ZNF366: variants seen among roughly 807,000 people sequenced by gnomAD.
The protein encoded by ZNF366 is dendritic cell-specific transcript protein.
In ZNF366, 20 loss-of-function variants were observed where a neutral mutation model predicts 47.2. That is an observed-to-expected ratio of 0.42 (90% confidence interval 0.30 to 0.62). ZNF366 has a LOEUF of 0.62. Ranked by LOEUF, ZNF366 falls within the 20% of genes least tolerant of loss-of-function variation. The probability of loss-of-function intolerance (pLI) is 0.16; values close to 1 mark genes in which losing one functional copy is unlikely to be tolerated. For missense variants in ZNF366, 987 were observed against 976.3 expected (o/e 1.01, Z -0.15); for synonymous variants, 421 against 395.1 (o/e 1.07, Z -0.78).
chr5:72,497,085 GCTTGT>G (rs1561205670), intron 1 of ZNF366, among the ~76,000 whole-genome samples: 1 of 151,980 alleles, frequency 6.6e-6, no homozygotes, highest in African/African-American at 2.4e-5. Flanking sequence ...CTAGTTTGCC[GCTTGT>G]CTTTTTATTT....
At chr5:72,487,308 A>G (rs576156433) in intron 1 of ZNF366, among the ~76,000 whole-genome samples, 1 of 152,322 alleles carries the variant, frequency 6.6e-6, no homozygotes, top group Admixed American at 6.5e-5. Context: ...CTCGTGCTTT[A>G]TGGATTGGAC....
At chr5:72,504,986 C>T (rs759455478) in intron 1 of ZNF366, among the ~76,000 whole-genome samples, 11 of 152,206 alleles carry the variant, frequency 7.2e-5, no homozygotes, top group African/African-American at 2.7e-4. Flanking sequence ...AGAGACTGTG[C>T]TCTACTCACT....
intron 1 of ZNF366, among the ~76,000 whole-genome samples, chr5:72,492,276 C>T (rs528708801): frequency 6.6e-6 from 1 of 152,250 alleles, no homozygotes; most frequent in East Asian, 1.9e-4. Context: ...TTCTGTAAGG[C>T]AGAAAATGGG....
intron 1 of ZNF366, among the ~76,000 whole-genome samples, chr5:72,505,661 C>T (rs768280513): frequency 1.3e-5 from 2 of 152,206 alleles, no homozygotes; most frequent in Non-Finnish European, 2.9e-5. Flanking sequence ...AAATTCAATA[C>T]ATTATCAAGA....
intron 1 of ZNF366, among the ~76,000 whole-genome samples, chr5:72,490,705 A>T (rs1190455895): frequency 6.6e-6 from 1 of 152,138 alleles, no homozygotes. Flanking sequence ...GCAGAATTTT[A>T]ACATCCCTGC....
intron 3 of ZNF366, among the ~76,000 whole-genome samples, chr5:72,453,791 A>G (rs1211478211): frequency 6.6e-6 from 1 of 152,238 alleles, no homozygotes; most frequent in Non-Finnish European, 1.5e-5. Flanking sequence ...ACTGTCTCAG[A>G]GACAGAGGGC....
chr5:72,491,168 C>T (rs1443594933), intron 1 of ZNF366, among the ~76,000 whole-genome samples: 1 of 152,154 alleles, frequency 6.6e-6, no homozygotes, highest in Non-Finnish European at 1.5e-5. Flanking sequence ...TGCAAGTTGG[C>T]CTAGTACAAG....
At chr5:72,458,840 T>A (rs908662471) in intron 2 of ZNF366, among the ~76,000 whole-genome samples, 1 of 152,246 alleles carries the variant, frequency 6.6e-6, no homozygotes, top group East Asian at 1.9e-4. Flanking sequence ...TAATTAAAAT[T>A]CAAATGAAAC....
chr5:72,465,742 T>A (rs2112332704), intron 1 of ZNF366, among the ~76,000 whole-genome samples: 1 of 152,172 alleles, frequency 6.6e-6, no homozygotes, highest in East Asian at 1.9e-4. Flanking sequence ...TGAAACAACG[T>A]GCAAAAAGAA....
chr5:72,457,898 G>C (rs1743222118), intron 2 of ZNF366, among the ~76,000 whole-genome samples: 1 of 151,858 alleles, frequency 6.6e-6, no homozygotes, highest in African/African-American at 2.4e-5. Flanking sequence ...TTTTGATTCT[G>C]CCTATGGAGA....
intron 4 of ZNF366, among the ~76,000 whole-genome samples, chr5:72,446,948 C>T (rs1266121398): frequency 1.3e-5 from 2 of 152,170 alleles, no homozygotes; most frequent in Non-Finnish European, 2.9e-5. Context: ...GTTCTTCCAG[C>T]TTGGAGTTGC....
intron 1 of ZNF366, among the ~76,000 whole-genome samples, chr5:72,500,396 C>T (rs552415493): frequency 6.6e-6 from 1 of 152,282 alleles, no homozygotes; most frequent in African/African-American, 2.4e-5. Context: ...TAAGCAGAGC[C>T]TTGGTCCCCT....
At chr5:72,450,778 G>T (rs1743053592) in intron 3 of ZNF366, among the ~76,000 whole-genome samples, 1 of 152,176 alleles carries the variant, frequency 6.6e-6, no homozygotes, top group Non-Finnish European at 1.5e-5. Context: ...TTTCACAGAA[G>T]ATTGTCCTCA....
rs1187433260 is a variant in ZNF366 at position 72,444,309 on chromosome 5, GAATTC to G, written c.1700-23_1700-19del. ...TCCCAGACCTGCAAGAGCAGAGTAA[GAATTC>G]ATGCACCTGAGGAAATGCTGTGGAA... On this transcript the variant is annotated intron_variant, in intron 4 of 4. Transcript: ENST00000318442. 5.0e-6 allele frequency: 8 copies of G among 1,591,394 alleles called. No homozygotes were observed. In the African/African-American group the frequency reaches 1.1e-4, roughly 21 times the overall value.
Position 72,482,747 on chromosome 5 carries a change from T to C in ZNF366, c.-14-21237A>G, listed in dbSNP as rs559825835. 3.8e-3 allele frequency among the ~76,000 whole-genome samples: 48 copies of C among 12,622 alleles called. No homozygotes were observed. In the African/African-American group the frequency reaches 0.08, roughly 21 times the overall value. 8.3% of individuals were successfully genotyped at this position (12,622 alleles called of 152,430 possible). A position where few individuals can be genotyped will look rare whatever the true frequency, so the allele number is the denominator to read the frequency against. On this transcript the variant is annotated intron_variant, in intron 1 of 4. Transcript: ENST00000318442. ...AAACATCACAGTTGCATTTCTATTT[T>C]GTGTGTGTGTGTGTGTGTGTGTGTG...
At chr5:72,476,634 A>G (rs4703547) in intron 1 of ZNF366, among the ~76,000 whole-genome samples, 31,144 of 152,092 alleles carry the variant, frequency 0.2, 3,324 homozygotes, top group East Asian at 0.41. Flanking sequence ...CAGCCATGGC[A>G]ATGGCCATCT....
chr5:72,458,017 T>TC (rs1743225714), intron 2 of ZNF366, among the ~76,000 whole-genome samples: 5 of 141,048 alleles, frequency 3.5e-5, no homozygotes, highest in Non-Finnish European at 3.1e-5. Context: ...TCTTTCTTTT[T>TC]TTTTTTTTTT....
intron 1 of ZNF366, among the ~76,000 whole-genome samples, chr5:72,466,735 G>A (rs1228277543): frequency 6.6e-6 from 1 of 152,244 alleles, no homozygotes; most frequent in Non-Finnish European, 1.5e-5. Context: ...GACTGTGGAT[G>A]ACTTTCGATA....
At chr5:72,496,296 C>A (rs1403368889) in intron 1 of ZNF366, among the ~76,000 whole-genome samples, 2 of 152,160 alleles carry the variant, frequency 1.3e-5, no homozygotes, top group African/African-American at 4.8e-5. Context: ...ACCCCTGGCC[C>A]CAGGAAACCA....
Sources: gnomAD v4.1 joint callset for allele counts (sites outside exome capture counted in the v4.1 genomes callset) on GRCh38, gnomAD v4.1.1 for gene constraint, MANE v1.5 for transcripts, NCBI Gene and HGNC (gene_info 2026-07-23, HGNC 2026-07-21) for gene names.